Variants in NUP107 observed in about 807,000 individuals in gnomAD.
NUP107 encodes the protein nucleoporin 107.
NUP107 carries 101 observed loss-of-function variants against 141.0 expected under a neutral mutation model. The ratio of observed to expected loss-of-function variants is 0.72; its 90% CI spans 0.61 to 0.84. The LOEUF is 0.84. NUP107 is among the 40% of genes least tolerant of loss of function. NUP107 has a pLI of 0.00. For synonymous variants in NUP107, 319 were observed against 363.9 expected, an observed-to-expected ratio of 0.88 and a Z score of 1.41; for missense variants, 941 against 1,102.7, an observed-to-expected ratio of 0.85 and a Z score of 2.08.
chr12:68,714,303 C>T (rs1267663632), intron 11 of NUP107: 2 of 152,108 alleles, frequency 1.3e-5, no homozygotes, highest in Non-Finnish European at 2.9e-5. Context: ...TTGAAAAAAA[C>T]TTCTAGAATT....
At chr12:68,729,088 C>T (rs900203250) in intron 20 of NUP107, among the ~76,000 whole-genome samples, 1 of 152,148 alleles carries the variant, frequency 6.6e-6, no homozygotes, top group African/African-American at 2.4e-5. Context: ...CTTTTTATTG[C>T]AGTATGCAAC....
chr12:68,721,497 C>A (rs1877347643), intron 15 of NUP107, among the ~76,000 whole-genome samples: 1 of 152,132 alleles, frequency 6.6e-6, no homozygotes, highest in South Asian at 2.1e-4. Flanking sequence ...ACCGGAAAGA[C>A]ACAGTGAGTC....
chr12:68,713,076 T>G (rs929610943), intron 10 of NUP107, among the ~76,000 whole-genome samples: 2 of 151,674 alleles, frequency 1.3e-5, no homozygotes, highest in Non-Finnish European at 2.9e-5. Context: ...AATGTATCAT[T>G]AAAAAAACAC....
chr12:68,694,366 A>G (rs974267903), intron 5 of NUP107, among the ~76,000 whole-genome samples: 3 of 152,230 alleles, frequency 2.0e-5, no homozygotes, highest in Non-Finnish European at 2.9e-5. Flanking sequence ...TAACTAGTAT[A>G]TCTTTGAGAT....
intron 8 of NUP107, among the ~76,000 whole-genome samples, chr12:68,704,549 G>T (rs536015487): frequency 6.6e-6 from 1 of 151,680 alleles, no homozygotes; most frequent in Non-Finnish European, 1.5e-5. Context: ...CACCTCCCGG[G>T]TTCAAGCGAT....
At position 68,715,608 on chromosome 12, in the gene NUP107, C is replaced by T; in HGVS notation, c.970-19C>T. ...ACAAAGGATTTATGGTTGATGATGA[C>T]TTTTTTTTCTTCTTACAGGACCCTG... On this transcript the variant is annotated intron_variant, in intron 11 of 27. Coordinates refer to ENST00000229179, the MANE Select transcript of NUP107 (RefSeq NM_020401.4). The T allele has an allele frequency of 2.1e-6, 3 of 1,427,110 alleles. No individual in the cohort carries two copies. Among genetic ancestry groups the T allele is most frequent in the Non-Finnish European group, 3.0e-6 (3 of 1,012,042 alleles). 88.4% of individuals were successfully genotyped at this position (1,427,110 alleles called of 1,614,324 possible).
Position 68,689,136 on chromosome 12 carries a change from A to ATT in NUP107, c.100+84_100+85dup, listed in dbSNP as rs1274364379. On this transcript the variant is annotated intron_variant, in intron 2 of 27. Coordinates refer to ENST00000229179, the MANE Select transcript of NUP107 (RefSeq NM_020401.4). ...TGTAGAATTTTCTTTTTATAAGAGTATTAAATGGTAGCTATAATAAAATCC... is the reference window on the plus strand; with the variant it reads ...TGTAGAATTTTCTTTTTATAAGAGTATTTTAAATGGTAGCTATAATAAAATCC... The ATT allele has an allele frequency of 1.6e-5, 16 of 1,016,604 alleles. No homozygotes were observed. In the East Asian group the frequency reaches 3.4e-4, roughly 21 times the overall value. 63.0% of individuals were successfully genotyped at this position (1,016,604 alleles called of 1,614,324 possible). A position where few individuals can be genotyped will look rare whatever the true frequency, so the allele number is the denominator to read the frequency against.
At chr12:68,714,308 A>G (rs1222777811) in intron 11 of NUP107, 1 of 152,286 alleles carries the variant, frequency 6.6e-6, no homozygotes, top group Non-Finnish European at 1.5e-5. Flanking sequence ...AAAAACTTCT[A>G]GAATTCCATT....
chr12:68,705,850 C>T, intron 8 of NUP107: 1 of 779,198 alleles, frequency 1.3e-6, no homozygotes, highest in Non-Finnish European at 2.4e-6. Flanking sequence ...CCAGAGCCTG[C>T]TGAGCCCCCT....
chr12:68,690,563 T>C, intron 3 of NUP107, 68 bp from the exon 4 acceptor site: 1 of 1,600,102 alleles, frequency 6.2e-7, no homozygotes, highest in Non-Finnish European at 8.5e-7. Context: ...ATTGTTTGTT[T>C]GCTTACTTTG....
At chr12:68,705,757 G>A in intron 8 of NUP107, 3 of 723,158 alleles carry the variant, frequency 4.1e-6, no homozygotes, top group South Asian at 4.1e-5. Context: ...CTCCCGAATG[G>A]GCAGCAGCAG....
intron 5 of NUP107, among the ~76,000 whole-genome samples, chr12:68,695,795 C>T (rs1876023262): frequency 6.6e-6 from 1 of 151,886 alleles, no homozygotes; most frequent in African/African-American, 2.4e-5. Flanking sequence ...TTAATCCTAC[C>T]ACTTTGGGAT....
chr12:68,727,486 A>G (rs1334038554), intron 20 of NUP107, 97 bp downstream of exon 20: 3 of 675,430 alleles, frequency 4.4e-6, no homozygotes, highest in Non-Finnish European at 5.1e-6. Context: ...GTAAGAAAGC[A>G]TCAGAATCCA....
At chr12:68,692,133 G>C (rs2135997713) in intron 5 of NUP107, 21 bp downstream of exon 5, 1 of 1,552,312 alleles carries the variant, frequency 6.4e-7, no homozygotes, top group Middle Eastern at 1.7e-4. Context: ...ATTGAGCTTT[G>C]TGACAAGTAG....
Position 68,741,972 on chromosome 12 carries a change from C to CTGTA in NUP107, c.2663_2666dup (p.Leu890ValfsTer6). The CTGTA allele has an allele frequency of 6.2e-7, 1 of 1,603,428 alleles. No individual in the cohort carries two copies. The highest frequency in any genetic ancestry group is 8.5e-7 in the Non-Finnish European group (1 of 1,173,806). The stretch of plus-strand genomic sequence containing the variant: ...TATGGTATCCTCTGAGCGCCACAAA[C>CTGTA]TGTACCTGGTAAGTTCTAGAGCCTT... On this transcript the variant is annotated frameshift_variant, in exon 27 of 28. Transcript: ENST00000229179. LOFTEE classifies it high-confidence loss of function.
intron 8 of NUP107, chr12:68,705,531 T>TAA: frequency 3.5e-6 from 1 of 283,862 alleles, no homozygotes; most frequent in Non-Finnish European, 7.0e-6. Context: ...AAAGTATTCT[T>TAA]TAAAAAAAAA....
intron 22 of NUP107, among the ~76,000 whole-genome samples, chr12:68,732,387 G>A (rs1390385078): frequency 6.6e-6 from 1 of 152,086 alleles, no homozygotes; most frequent in African/African-American, 2.4e-5. Context: ...CCGCTCGCCT[G>A]GGCTTCCCAA....
At chr12:68,693,958 C>T (rs1285855576) in intron 5 of NUP107, among the ~76,000 whole-genome samples, 1 of 152,076 alleles carries the variant, frequency 6.6e-6, no homozygotes, top group African/African-American at 2.4e-5. Context: ...CAAGCATTAA[C>T]TCATGTAATC....
In NUP107 at chr12:68,719,330, T is replaced by G; in HGVS notation, c.1084-11T>G. 1.9e-6 allele frequency: 3 copies of G among 1,611,906 alleles called. No homozygotes were observed. In the South Asian group the frequency reaches 3.3e-5, roughly 18 times the overall value. On this transcript the variant is annotated splice_polypyrimidine_tract_variant and intron_variant, in intron 12 of 27. Coordinates refer to ENST00000229179, the MANE Select transcript of NUP107 (RefSeq NM_020401.4). ...GGTTATTGGACTGACTGCTCTTTCTTGTTTTCTAAGGCACAACGACTCTGT... is the reference window on the plus strand; with the variant it reads ...GGTTATTGGACTGACTGCTCTTTCTGGTTTTCTAAGGCACAACGACTCTGT...
Sources: gnomAD v4.1 joint callset for allele counts (sites outside exome capture counted in the v4.1 genomes callset) on GRCh38, gnomAD v4.1.1 for gene constraint, MANE v1.5 for transcripts, NCBI Gene and HGNC (gene_info 2026-07-23, HGNC 2026-07-21) for gene names.